TMEM106C: variants seen among roughly 807,000 people sequenced by gnomAD.
The protein encoded by TMEM106C is transmembrane protein 106C, also known as endoplasmic reticulum membrane protein overexpressed in cancer.
TMEM106C carries 27 observed loss-of-function variants against 30.8 expected under a neutral mutation model. That is an observed-to-expected ratio of 0.88 (90% confidence interval 0.65 to 1.21). TMEM106C has a LOEUF of 1.21. Ranked by LOEUF, TMEM106C falls within the 50% of genes most tolerant of loss-of-function variation. The pLI, the probability that TMEM106C is intolerant of heterozygous loss-of-function variation, is 0.00. For synonymous variants in TMEM106C, 123 were observed against 118.8 expected (o/e 1.04, Z -0.23); for missense variants, 288 against 307.8 (o/e 0.94, Z 0.48).
rs1938230455 is a variant in TMEM106C at position 47,966,615 on chromosome 12, G to A, written c.553-68G>A. The A allele has an allele frequency of 1.9e-6, 3 of 1,545,148 alleles. No individual in the cohort carries two copies. The African/African-American group carries it at 4.1e-5, about 21-fold the overall frequency. On this transcript the variant is annotated intron_variant, in intron 5 of 7. Coordinates refer to ENST00000429772, the MANE Select transcript of TMEM106C (RefSeq NM_001143842.2). ...AAGAATGACCCAAGGTCTTTGGATT[G>A]CTAATAATAATACTGTTCTGTGTCA...
chr12:47,966,311 T>A (rs991767236), intron 5 of TMEM106C, 82 bp downstream of exon 5: 12 of 1,506,596 alleles, frequency 8.0e-6, no homozygotes, highest in Non-Finnish European at 1.1e-5. Flanking sequence ...CTGTGTCACT[T>A]TCCTTTTTGT....
chr12:47,966,772 G>A (rs990406512), intron 6 of TMEM106C, 40 bp downstream of exon 6: 1 of 1,610,334 alleles, frequency 6.2e-7, no homozygotes, highest in African/African-American at 1.3e-5. Context: ...CTCTACTGGA[G>A]GAAAGGGATT....
intron 5 of TMEM106C, 119 bp downstream of exon 5, chr12:47,966,348 G>A: frequency 8.2e-7 from 1 of 1,226,766 alleles, no homozygotes; most frequent in Non-Finnish European, 1.1e-6. Context: ...GTAGGAACTG[G>A]TGATGAGGAA....
Position 47,965,885 on chromosome 12 carries a change from G to A in TMEM106C, c.299G>A (p.Gly100Asp), listed in dbSNP as rs1938202881. ...ATCCTGCTTTGTCTCCTGGCATCTG[G>A]TTTGGTGGTTTTCTTCCTGTTTCCG... Reference protein sequence around the residue: ...LSILLCLLASGLVVFFLFPHS... With the variant: ...LSILLCLLASDLVVFFLFPHS... The change falls in exon 4 of 8, where the codon GGT becomes GAT. Residue 100 changes from glycine (G) to aspartate (D), a missense_variant. By Grantham distance (94) the Gly-to-Asp change is moderately conservative (BLOSUM62 -1). Coordinates refer to ENST00000429772, the MANE Select transcript of TMEM106C (RefSeq NM_001143842.2). 8.1e-6 allele frequency: 13 copies of A among 1,614,222 alleles called. No individual in the cohort carries two copies. The highest frequency in any genetic ancestry group is 1.0e-5 in the Non-Finnish European group (12 of 1,180,040).
rs1386349175 is a variant in TMEM106C at position 47,967,615 on chromosome 12, A to G, written c.656+354A>G. On this transcript the variant is annotated intron_variant, in intron 7 of 7. Transcript: ENST00000429772. ...GACTTCCTCTCTAGCCACACAAATTACCACATGTCATGGACCTTTAGGGTT... is the reference window on the plus strand; with the variant it reads ...GACTTCCTCTCTAGCCACACAAATTGCCACATGTCATGGACCTTTAGGGTT... Among the ~76,000 whole-genome samples the G allele has an allele frequency of 2.0e-5, 3 of 152,142 alleles. No homozygotes were observed. The East Asian group carries it at 5.8e-4, about 29-fold the overall frequency.
At position 47,966,246 on chromosome 12, in the gene TMEM106C, G is replaced by C; in HGVS notation, c.552+17G>C. 6.2e-7 allele frequency: 1 copy of C among 1,613,310 alleles called. No individual in the cohort carries two copies. The highest frequency in any genetic ancestry group is 8.5e-7 in the Non-Finnish European group (1 of 1,179,596). ...GAGCAACTGGTATGCTGTTCTTTTA[G>C]GAATCTTGCCCCACAGGCCTAAGAG... is the stretch of plus-strand genomic sequence containing the variant. On this transcript the variant is annotated intron_variant, in intron 5 of 7. Transcript: ENST00000429772.
At position 47,965,924 on chromosome 12, in the gene TMEM106C, T is replaced by C. The variant is rs1938205805; in HGVS notation, c.338T>C (p.Val113Ala). 6.2e-7 allele frequency: 1 copy of C among 1,614,132 alleles called. No homozygotes were observed. The change falls in exon 4 of 8, where the codon GTG becomes GCG. Residue 113 changes from valine (V) to alanine (A), a missense_variant. By Grantham distance (64) the Val-to-Ala change is moderately conservative (BLOSUM62 0). Coordinates refer to ENST00000429772, the MANE Select transcript of TMEM106C (RefSeq NM_001143842.2). The part of the protein sequence containing the change: ...VFFLFPHSVL[V>A]DDDGIKVVKV... Reference sequence around the variant, plus strand: ...TTCCTGTTTCCGCATTCAGTCCTTGTGGATGATGACGGCATCAAAGTGGTG... The same window carrying C: ...TTCCTGTTTCCGCATTCAGTCCTTGCGGATGATGACGGCATCAAAGTGGTG...
intron 2 of TMEM106C, 73 bp from the exon 3 acceptor site, chr12:47,965,209 G>C: frequency 8.3e-7 from 1 of 1,209,266 alleles, no homozygotes; most frequent in East Asian, 2.4e-5. Flanking sequence ...TGTTGTGGCA[G>C]GCTCAAGTGA....
rs768197981 is a variant in TMEM106C, at chr12:47,966,209, C to G, written c.532C>G (p.Pro178Ala). Residue 178 changes from proline to alanine, a missense_variant, in exon 5 of 8, where the codon CCA becomes GCA. By Grantham distance (27) the Pro-to-Ala change is conservative. Transcript: ENST00000429772. Reference protein sequence around the residue: ...TYVTTNVSLIPPRSEQLVNFT... With the variant: ...TYVTTNVSLIAPRSEQLVNFT... ...TGTGACTACTAACGTCTCCCTTATT[C>G]CACCTCGGAGTGAGCAACTGGTATG... 5 of 1,613,964 alleles carry G rather than the reference C, an allele frequency of 3.1e-6. No homozygotes were observed. The African/African-American group carries it at 5.3e-5, about 17-fold the overall frequency.
intron 5 of TMEM106C, 200 bp downstream of exon 5, chr12:47,966,429 G>A (rs1477975970): frequency 2.8e-6 from 2 of 719,818 alleles, no homozygotes; most frequent in Non-Finnish European, 4.5e-6. Context: ...TTGGGGAGCA[G>A]AATAATTTGT....
chr12:47,963,987 C>A, intron 1 of TMEM106C: 1 of 535,336 alleles, frequency 1.9e-6, no homozygotes, highest in Non-Finnish European at 3.4e-6. Flanking sequence ...AAAGGCAGGC[C>A]CCGTTCCCCC....
intron 6 of TMEM106C, chr12:47,966,970 A>G: frequency 4.7e-6 from 3 of 637,656 alleles, no homozygotes; most frequent in South Asian, 1.9e-5. Flanking sequence ...ACATTAAGCC[A>G]CTAAAAACGT....
In TMEM106C at chr12:47,968,750, C is replaced by CTTTT; in HGVS notation, c.*531_*534dup. On this transcript the variant is annotated 3_prime_UTR_variant, in exon 8 of 8. Coordinates refer to ENST00000429772, the MANE Select transcript of TMEM106C (RefSeq NM_001143842.2). The stretch of plus-strand genomic sequence containing the variant: ...GAAAAGAAAGAAAAAAGTGTGTTGG[C>CTTTT]TTTTTTTTTTTTTAGAAAGTTAGAA... The CTTTT allele has an allele frequency of 6.7e-6, 1 of 149,740 alleles. No individual in the cohort carries two copies. Among genetic ancestry groups the CTTTT allele is most frequent in the Admixed American group, 6.5e-5 (1 of 15,376 alleles). The allele number at this position is 149,740 out of a possible 1,614,324, so 9.3% of individuals were successfully genotyped here.
rs1390518361 is a variant in TMEM106C, at chr12:47,968,684, T to G, written c.*455T>G. 1 of 180,432 alleles carries G rather than the reference T, an allele frequency of 5.5e-6. No homozygotes were observed. The highest frequency in any genetic ancestry group is 2.4e-5 in the African/African-American group (1 of 41,760). 11.2% of individuals were successfully genotyped at this position (180,432 alleles called of 1,614,324 possible). On this transcript the variant is annotated 3_prime_UTR_variant, in exon 8 of 8. Transcript: ENST00000429772. ...AGAGAAAACAGACCTAGTCAGGATATGAATTTGTTTCAGCTGTTCCCAAAG... is the reference window on the plus strand; with the variant it reads ...AGAGAAAACAGACCTAGTCAGGATAGGAATTTGTTTCAGCTGTTCCCAAAG...
intron 2 of TMEM106C, chr12:47,964,713 C>T (rs546088032): frequency 4.3e-5 from 18 of 421,622 alleles, no homozygotes; most frequent in South Asian, 1.7e-4. Flanking sequence ...ATTTCTTTAT[C>T]GCTGTCACAA....
At chr12:47,965,719 C>A in intron 3 of TMEM106C, 119 bp from the exon 4 acceptor site, 2 of 1,291,756 alleles carry the variant, frequency 1.5e-6, no homozygotes, top group Admixed American at 2.1e-5. Context: ...GTTTATGGTT[C>A]CTGGCTCTTG....
At chr12:47,966,453 T>A in intron 5 of TMEM106C, 1 of 698,806 alleles carries the variant, frequency 1.4e-6, no homozygotes, top group African/African-American at 1.8e-5. Flanking sequence ...AGACAAAGAT[T>A]TGCTACAAAA....
At position 47,967,404 on chromosome 12, in the gene TMEM106C, C is replaced by A; in HGVS notation, c.656+143C>A. ...GCCTCACAGGCACAGATACAGTAGA[C>A]CCTTGGTGTTCTCTAAACACAGTGT... On this transcript the variant is annotated intron_variant, in intron 7 of 7. Coordinates refer to ENST00000429772, the MANE Select transcript of TMEM106C (RefSeq NM_001143842.2). 5.1e-6 allele frequency: 4 copies of A among 780,734 alleles called. No homozygotes were observed. In the South Asian group the frequency reaches 5.9e-5, roughly 12 times the overall value. The allele number at this position is 780,734 out of a possible 1,614,324, so 48.4% of individuals were successfully genotyped here.
rs1938152664 is a variant in TMEM106C, at chr12:47,964,412, A to G, written c.176A>G (p.Tyr59Cys). The change falls in exon 2 of 8, where the codon TAC (tyrosine) becomes TGC (cysteine). Residue 59 changes from tyrosine (Y) to cysteine (C), a missense_variant. Transcript: ENST00000429772. ...TGTCTCACGTGCCAGGGGACAGGCTACATTCCAACAGGTGATCATGGAGGG... is the reference window on the plus strand; with the variant it reads ...TGTCTCACGTGCCAGGGGACAGGCTGCATTCCAACAGGTGATCATGGAGGG... The part of the protein sequence containing the change: ...ITCLTCQGTG[Y>C]IPTEQVNELV... 6.2e-7 allele frequency: 1 copy of G among 1,614,088 alleles called. No individual in the cohort carries two copies. The highest frequency in any genetic ancestry group is 8.5e-7 in the Non-Finnish European group (1 of 1,180,006).
Sources: allele counts gnomAD v4.1 joint callset (sites outside exome capture counted in the v4.1 genomes callset), GRCh38; gene constraint gnomAD v4.1.1; transcripts MANE v1.5; gene names NCBI Gene and HGNC (gene_info 2026-07-23, HGNC 2026-07-21).